Variants in GALC observed in about 807,000 individuals in gnomAD.
The protein encoded by GALC is galactosylceramidase, also known as galactocerebrosidase.
A neutral mutation model predicts 91.8 loss-of-function variants in GALC; 77 were observed. The observed-to-expected ratio is 0.84, with a 90% CI of 0.70 to 1.01. The LOEUF (loss-of-function observed/expected upper bound fraction) is 1.01, where lower values mean the gene tolerates loss of function less well. GALC is among the 50% of genes least tolerant of loss of function. The probability of loss-of-function intolerance (pLI) is 0.00; values close to 1 mark genes in which losing one functional copy is unlikely to be tolerated. For synonymous variants in GALC, 357 were observed against 306.7 expected (o/e 1.16, Z -1.71); for missense variants, 882 against 855.9 (o/e 1.03, Z -0.38).
At chr14:87,941,689 C>G in intron 14 of GALC, 131 bp from the exon 15 acceptor site, 1 of 724,030 alleles carries the variant, frequency 1.4e-6, no homozygotes, top group Admixed American at 2.1e-5. Flanking sequence ...AAGTCTAAGC[C>G]TGTAGCAGAG....
At chr14:87,985,239 T>C (rs1394920158) in intron 4 of GALC, among the ~76,000 whole-genome samples, 1 of 152,166 alleles carries the variant, frequency 6.6e-6, no homozygotes. Context: ...ATAGGCTCAA[T>C]AGTTAAGTTC....
intron 16 of GALC, among the ~76,000 whole-genome samples, chr14:87,939,368 A>G (rs1255113461): frequency 1.3e-5 from 2 of 151,890 alleles, no homozygotes; most frequent in African/African-American, 4.8e-5. Context: ...TTATCTGCAC[A>G]GCATCCCTTG....
intron 6 of GALC, 75 bp downstream of exon 6, chr14:87,982,130 A>G: frequency 1.3e-6 from 1 of 780,520 alleles, no homozygotes; most frequent in Non-Finnish European, 2.2e-6. Flanking sequence ...ATTTCCTACT[A>G]TTTTCTGTGT....
chr14:87,968,517 T>G, intron 7 of GALC, 27 bp from the exon 8 acceptor site: 1 of 1,611,820 alleles, frequency 6.2e-7, no homozygotes, highest in Non-Finnish European at 8.5e-7. Flanking sequence ...TGGAAGTCAA[T>G]GAAAAAAGGT....
chr14:87,960,131 G>A (rs1351175577), intron 10 of GALC, among the ~76,000 whole-genome samples: 7 of 151,802 alleles, frequency 4.6e-5, no homozygotes, highest in African/African-American at 1.7e-4. Context: ...CAGACACTGG[G>A]GTGGGGCTGG....
Position 87,961,280 on chromosome 14 carries a change from G to C in GALC, c.1161+2104C>G, listed in dbSNP as rs192463803. 2.0e-3 allele frequency among the ~76,000 whole-genome samples: 299 copies of C among 152,292 alleles called. 2 individuals carry two copies. The highest frequency in any genetic ancestry group is 2.9e-3 in the Non-Finnish European group (198 of 68,018). On this transcript the variant is annotated intron_variant, in intron 10 of 16. Coordinates refer to ENST00000261304, the MANE Select transcript of GALC (RefSeq NM_000153.4). Reference sequence around the variant, plus strand: ...TAACATAGCACTTCACATTCACTAGGATGGCTATAATCAAAGGCATGGACA... The same window carrying C: ...TAACATAGCACTTCACATTCACTAGCATGGCTATAATCAAAGGCATGGACA...
At position 87,934,303 on chromosome 14, in the gene GALC, C is replaced by T. The variant is rs1884477370; in HGVS notation, c.*429G>A. 1.6e-6 allele frequency: 2 copies of T among 1,286,924 alleles called. No individual in the cohort carries two copies. The highest frequency in any genetic ancestry group is 2.0e-6 in the Non-Finnish European group (2 of 1,011,690). The allele number at this position is 1,286,924 out of a possible 1,614,324, so 79.7% of individuals were successfully genotyped here. On this transcript the variant is annotated 3_prime_UTR_variant, in exon 17 of 17. Coordinates refer to ENST00000261304, the MANE Select transcript of GALC (RefSeq NM_000153.4). ...CAGCTTTCTATTATGGCAGCATCAT[C>T]TTGTGATGAAGACACTGGCTCACTT...
In GALC at chr14:87,963,478, T is replaced by G. The variant is rs754310196; in HGVS notation, c.1067A>C (p.Tyr356Ser). 1 of 1,613,038 alleles carries G rather than the reference T, an allele frequency of 6.2e-7. No homozygotes were observed. The highest frequency in any genetic ancestry group is 8.5e-7 in the Non-Finnish European group (1 of 1,179,306). Residue 356 changes from tyrosine to serine, a missense_variant, in exon 10 of 17, where the codon TAT (tyrosine) becomes TCT (serine). Tyr to Ser is a moderately radical substitution (Grantham distance 144). Transcript: ENST00000261304. The stretch of plus-strand genomic sequence containing the variant: ...TAAATGGCCAACTGTCTTCAGGTAA[T>G]ACCAGCCAGGTTGAGTAAACTGAGT... Reference protein sequence around the residue: ...HTTQFTQPGWYYLKTVGHLEK... With the variant: ...HTTQFTQPGWSYLKTVGHLEK...
chr14:87,961,243 A>G (rs1595210858), intron 10 of GALC, among the ~76,000 whole-genome samples: 1 of 152,226 alleles, frequency 6.6e-6, no homozygotes, highest in Non-Finnish European at 1.5e-5. Flanking sequence ...GAAAATGCAT[A>G]TTGAACTACA....
chr14:87,954,907 GT>G, intron 10 of GALC: 1 of 1,567,326 alleles, frequency 6.4e-7, no homozygotes, highest in Middle Eastern at 2.1e-4. Flanking sequence ...AATGACTGTA[GT>G]TGATGGAAGA....
chr14:87,983,857 T>A (rs1294314625), intron 5 of GALC, among the ~76,000 whole-genome samples: 1 of 152,222 alleles, frequency 6.6e-6, no homozygotes, highest in African/African-American at 2.4e-5. Flanking sequence ...CATCTGTAAT[T>A]TTACAACTTG....
At chr14:87,952,905 C>T (rs1885371349) in intron 10 of GALC, 1 of 937,848 alleles carries the variant, frequency 1.1e-6, no homozygotes. Context: ...GTATCAAAAG[C>T]TTCTCAGTGA....
intron 13 of GALC, 86 bp from the exon 14 acceptor site, chr14:87,945,819 C>A: frequency 1.0e-6 from 1 of 966,166 alleles, no homozygotes; most frequent in Admixed American, 2.0e-5. Context: ...GTCTGAAACA[C>A]TTCTGAAAGC....
rs1353576223 is a variant in GALC at position 87,953,421 on chromosome 14, T to C, written c.1162-2673A>G. 3.4e-6 allele frequency: 5 copies of C among 1,482,784 alleles called. No homozygotes were observed. In the African/African-American group the frequency reaches 5.6e-5, roughly 17 times the overall value. The allele number at this position is 1,482,784 out of a possible 1,614,324, so 91.9% of individuals were successfully genotyped here. A position where few individuals can be genotyped will look rare whatever the true frequency, so the allele number is the denominator to read the frequency against. On this transcript the variant is annotated intron_variant, in intron 10 of 16. Transcript: ENST00000261304. Reference sequence around the variant, plus strand: ...GTGGACAAAACCAAGCATATTCTCTTGAACATTTTAGTCCTGTTTTTCCTA... The same window carrying C: ...GTGGACAAAACCAAGCATATTCTCTCGAACATTTTAGTCCTGTTTTTCCTA...
In GALC at chr14:87,934,440, C is replaced by A. The variant is rs1884484002; in HGVS notation, c.*292G>T. On this transcript the variant is annotated 3_prime_UTR_variant, in exon 17 of 17. Transcript: ENST00000261304. ...AGCTACCTCAGTGTTAGCAGCAAGG[C>A]TTCGAGGTCTGTACTACTCAAACCA... 1 of 1,313,266 alleles carries A rather than the reference C, an allele frequency of 7.6e-7. No individual in the cohort carries two copies. 81.4% of individuals were successfully genotyped at this position (1,313,266 alleles called of 1,614,324 possible).
rs770539776 is a variant in GALC, at chr14:87,940,025, C to G, written c.1835-44G>C. The G allele has an allele frequency of 2.8e-6, 4 of 1,447,380 alleles. No homozygotes were observed. In the East Asian group the frequency reaches 9.1e-5, roughly 33 times the overall value. 89.7% of individuals were successfully genotyped at this position (1,447,380 alleles called of 1,614,324 possible). On this transcript the variant is annotated intron_variant, in intron 15 of 16. Transcript: ENST00000261304. ...ATCCCAATAGATATAATTTTGAGAT[C>G]TCAATCACAGAATCATATAATTCAG... is the stretch of plus-strand genomic sequence containing the variant.
At chr14:87,948,970 G>A (rs1885193643) in intron 12 of GALC, among the ~76,000 whole-genome samples, 1 of 152,056 alleles carries the variant, frequency 6.6e-6, no homozygotes, top group Non-Finnish European at 1.5e-5. Context: ...CACCATGGAT[G>A]AGGCACTGTG....
upstream of GALC, chr14:87,993,297 T>G: frequency 6.5e-7 from 1 of 1,538,016 alleles, no homozygotes; most frequent in Non-Finnish European, 8.7e-7. Context: ...CTGACGCAGC[T>G]GGCGGAGTGT....
chr14:87,988,416 AATAT>A (rs1887061365), intron 2 of GALC, 35 bp downstream of exon 2: 2 of 1,436,366 alleles, frequency 1.4e-6, no homozygotes. Context: ...CAATTTCTAA[AATAT>A]CACAGGTACC....
Sources: gnomAD v4.1 joint callset for allele counts (sites outside exome capture counted in the v4.1 genomes callset) on GRCh38, gnomAD v4.1.1 for gene constraint, MANE v1.5 for transcripts, NCBI Gene and HGNC (gene_info 2026-07-23, HGNC 2026-07-21) for gene names.